OC90: variants seen among roughly 807,000 people sequenced by gnomAD.
OC90 encodes the protein otoconin 90.
A neutral mutation model predicts 47.3 loss-of-function variants in OC90; 46 were observed. The ratio of observed to expected loss-of-function variants is 0.97; its 90% confidence interval spans 0.77 to 1.24. The LOEUF (loss-of-function observed/expected upper bound fraction) is 1.24, where lower values mean the gene tolerates loss of function less well. Among genes scored for constraint, OC90 ranks in the 50% most tolerant of loss-of-function variants. OC90 has a pLI of 0.00. For missense variants in OC90, 688 were observed against 583.9 expected (o/e 1.18, Z -1.84); for synonymous variants, 271 against 219.5 (o/e 1.23, Z -2.07).
At chr8:132,040,618 G>A (rs1333113161) in intron 6 of OC90, among the ~76,000 whole-genome samples, 2 of 152,000 alleles carry the variant, frequency 1.3e-5, no homozygotes, top group African/African-American at 2.4e-5. Flanking sequence ...AACATATGTC[G>A]CTCCCTGTGC....
At chr8:132,031,069 C>T (rs1303413329) in intron 12 of OC90, among the ~76,000 whole-genome samples, 2 of 152,172 alleles carry the variant, frequency 1.3e-5, no homozygotes, top group Non-Finnish European at 2.9e-5. Context: ...CATGTGCAGT[C>T]TTTAAACTTG....
chr8:132,038,856 T>C, intron 7 of OC90, 25 bp from the exon 8 acceptor site: 1 of 1,613,406 alleles, frequency 6.2e-7, no homozygotes, highest in Non-Finnish European at 8.5e-7. Flanking sequence ...CTTTGGAAAG[T>C]CTGTTGAGAG....
intron 7 of OC90, 37 bp from the exon 8 acceptor site, chr8:132,038,868 A>T: frequency 6.2e-7 from 1 of 1,610,842 alleles, no homozygotes; most frequent in Non-Finnish European, 8.5e-7. Context: ...TGTTGAGAGC[A>T]GTGGGTTTGA....
chr8:132,035,026 C>T (rs568940427), intron 9 of OC90, among the ~76,000 whole-genome samples, 192 bp from the exon 10 acceptor site: 19 of 152,320 alleles, frequency 1.2e-4, no homozygotes, highest in Non-Finnish European at 2.2e-4. Context: ...AAGGGAACCC[C>T]CCAGAAAAAC....
intron 9 of OC90, among the ~76,000 whole-genome samples, chr8:132,035,591 T>C (rs1309099124): frequency 6.6e-6 from 1 of 152,228 alleles, no homozygotes; most frequent in Non-Finnish European, 1.5e-5. Flanking sequence ...TTAAGTTTAA[T>C]GTATTCAAAA....
At chr8:132,032,136 T>C in intron 11 of OC90, 84 bp from the exon 12 acceptor site, 2 of 1,261,212 alleles carry the variant, frequency 1.6e-6, no homozygotes, top group South Asian at 1.3e-5. Flanking sequence ...CTCCGGGTTG[T>C]ATGTGGACAA....
chr8:132,057,640 G>C (rs376212657), intron 1 of OC90, among the ~76,000 whole-genome samples: 11 of 152,282 alleles, frequency 7.2e-5, no homozygotes, highest in African/African-American at 2.6e-4. Context: ...GGCTGACATG[G>C]TCAATATTAT....
chr8:132,029,153 A>G lies in OC90; in HGVS notation c.1058T>C (p.Leu353Pro), dbSNP rs530826113. The G allele has an allele frequency of 3.1e-6, 5 of 1,613,800 alleles. No homozygotes were observed. The highest frequency in any genetic ancestry group is 1.3e-5 in the African/African-American group (1 of 75,020). ...DRCCLSHHCC[L>P]EQVRRLGCLL... is the part of the protein sequence containing the mutation. Reference sequence around the variant, plus strand: ...GCAGCCCAGCCTTCTCACTTGCTCTAGGCAGCAGTGATGGGACAAGCAGCA... The same window carrying G: ...GCAGCCCAGCCTTCTCACTTGCTCTGGGCAGCAGTGATGGGACAAGCAGCA... The change falls in exon 13 of 14, where the codon CTA becomes CCA. Residue 353 changes from leucine (L) to proline (P), a missense_variant. Transcript: ENST00000254627.
At chr8:132,029,568 T>C (rs528795075) in intron 12 of OC90, among the ~76,000 whole-genome samples, 122 of 152,328 alleles carry the variant, frequency 8.0e-4, no homozygotes, top group African/African-American at 2.7e-3. Context: ...CCATATGGGC[T>C]AGCAGTAAGC....
At position 132,042,628 on chromosome 8, in the gene OC90, G is replaced by T. The variant is rs114903137; in HGVS notation, c.170-929C>A. On this transcript the variant is annotated intron_variant, in intron 4 of 13. Coordinates refer to ENST00000254627, the MANE Select transcript of OC90 (RefSeq NM_001080399.3). ...TCCCATTTATAAGTGAAAATAGGTG[G>T]TATTTGTATTTCTGTTCTTGCATTA... is the stretch of plus-strand genomic sequence containing the variant. 4.5e-3 allele frequency among the ~76,000 whole-genome samples: 680 copies of T among 152,228 alleles called. 3 individuals are homozygous for T. The highest frequency in any genetic ancestry group is 0.015 in the African/African-American group (620 of 41,508).
In OC90 at chr8:132,053,248, C is replaced by T. The variant is rs145753225; in HGVS notation, c.46+1733G>A. On this transcript the variant is annotated intron_variant, in intron 2 of 13. Coordinates refer to ENST00000254627, the MANE Select transcript of OC90 (RefSeq NM_001080399.3). ...CCTTCTCTCATTGCACCTGTCACCC[C>T]ATGTTGCAATGATCTGTTTATGTAA... 2.6e-3 allele frequency among the ~76,000 whole-genome samples: 392 copies of T among 152,284 alleles called. 2 individuals carry two copies. The highest frequency in any genetic ancestry group is 7.7e-3 in the African/African-American group (321 of 41,542).
chr8:132,043,488 T>C (rs1321192551), intron 4 of OC90, among the ~76,000 whole-genome samples: 5 of 152,192 alleles, frequency 3.3e-5, no homozygotes, highest in Non-Finnish European at 5.9e-5. Context: ...CAACTCTAAA[T>C]CTCGCATTCT....
intron 12 of OC90, among the ~76,000 whole-genome samples, chr8:132,030,712 C>G (rs1822860730): frequency 6.6e-6 from 1 of 152,168 alleles, no homozygotes; most frequent in Non-Finnish European, 1.5e-5. Context: ...TTAGGGTCCG[C>G]TGGTGGGAGG....
intron 11 of OC90, 109 bp from the exon 12 acceptor site, chr8:132,032,161 AG>A: frequency 4.2e-6 from 4 of 946,862 alleles, no homozygotes; most frequent in Non-Finnish European, 6.6e-6. Flanking sequence ...AGTCATGCAA[AG>A]GAACCCCATG....
At chr8:132,039,178 G>A in intron 6 of OC90, 55 bp from the exon 7 acceptor site, 1 of 1,547,704 alleles carries the variant, frequency 6.5e-7, no homozygotes, top group South Asian at 1.2e-5. Context: ...AATCCCAAGA[G>A]GTAATGCAAG....
At chr8:132,043,531 T>C (rs1823084963) in intron 4 of OC90, among the ~76,000 whole-genome samples, 1 of 152,174 alleles carries the variant, frequency 6.6e-6, no homozygotes, top group South Asian at 2.1e-4. Context: ...GACTAGAGGA[T>C]CCTTGAGTGC....
At chr8:132,050,747 TC>T (rs1823201549) in intron 2 of OC90, among the ~76,000 whole-genome samples, 1 of 152,088 alleles carries the variant, frequency 6.6e-6, no homozygotes, top group Non-Finnish European at 1.5e-5. Context: ...ACAACTGTAA[TC>T]CCAGCACTTT....
At chr8:132,045,921 A>G in intron 2 of OC90, 38 bp from the exon 3 acceptor site, 1 of 1,163,444 alleles carries the variant, frequency 8.6e-7, no homozygotes, top group Non-Finnish European at 1.3e-6. Flanking sequence ...AAGCACAAAC[A>G]CTGATACAAT....
intron 3 of OC90, among the ~76,000 whole-genome samples, chr8:132,044,873 A>G (rs968313118): frequency 2.8e-4 from 42 of 152,186 alleles, no homozygotes; most frequent in African/African-American, 9.9e-4. Flanking sequence ...TCATTACTAG[A>G]GATACTGATT....
Sources: allele counts gnomAD v4.1 joint callset (sites outside exome capture counted in the v4.1 genomes callset), GRCh38; gene constraint gnomAD v4.1.1; transcripts MANE v1.5; gene names NCBI Gene and HGNC (gene_info 2026-07-23, HGNC 2026-07-21).